SMYD3: variants seen among roughly 807,000 people sequenced by gnomAD.
SMYD3 encodes SET and MYND domain containing 3.
A neutral mutation model predicts 57.7 loss-of-function variants in SMYD3; 36 were observed. The observed-to-expected ratio is 0.62, with a 90% confidence interval of 0.48 to 0.82. SMYD3 has a LOEUF of 0.82. Ranked by LOEUF, SMYD3 falls within the 40% of genes least tolerant of loss-of-function variation. The pLI is 0.00. For synonymous variants in SMYD3, 211 were observed against 195.0 expected (o/e 1.08, Z -0.68); for missense variants, 515 against 538.8 (o/e 0.96, Z 0.44).
At chr1:246,079,272 T>C (rs2060598607) in intron 5 of SMYD3, among the ~76,000 whole-genome samples, 3 of 152,188 alleles carry the variant, frequency 2.0e-5, no homozygotes, top group Admixed American at 2.0e-4. Flanking sequence ...GTTAAAAGAA[T>C]GTCTGAATGA....
chr1:246,269,714 A>G (rs1319669713), intron 5 of SMYD3, among the ~76,000 whole-genome samples: 1 of 151,988 alleles, frequency 6.6e-6, no homozygotes, highest in East Asian at 1.9e-4. Flanking sequence ...CTACAGGCAC[A>G]TGCCATCTTG....
At chr1:246,070,827 A>G (rs1443908517) in intron 5 of SMYD3, among the ~76,000 whole-genome samples, 1 of 152,252 alleles carries the variant, frequency 6.6e-6, no homozygotes, top group Non-Finnish European at 1.5e-5. Flanking sequence ...TTGTTAGATA[A>G]TGAAACACAG....
At chr1:246,485,201 A>T (rs989654624) in intron 1 of SMYD3, among the ~76,000 whole-genome samples, 12 of 152,020 alleles carry the variant, frequency 7.9e-5, no homozygotes, top group African/African-American at 2.9e-4. Context: ...CATCACCTCA[A>T]CCAAAATACC....
rs893141196 is a variant in SMYD3, at chr1:246,378,552, C to T, written c.165-23458G>A. The stretch of plus-strand genomic sequence containing the variant: ...CTCCAAGTTCTTCAGTTTTGAAACT[C>T]GGACTGGCTCTCCTTGTTCCTCAGC... On this transcript the variant is annotated intron_variant, in intron 1 of 11. Coordinates refer to ENST00000490107, the MANE Select transcript of SMYD3 (RefSeq NM_001167740.2). Among the ~76,000 whole-genome samples the T allele has an allele frequency of 2.4e-4, 36 of 149,244 alleles. 1 individual carries two copies. Among genetic ancestry groups the T allele is most frequent in the African/African-American group, 8.5e-4 (34 of 40,044 alleles).
At chr1:245,812,725 G>C (rs1233883916) in intron 10 of SMYD3, among the ~76,000 whole-genome samples, 1 of 122,990 alleles carries the variant, frequency 8.1e-6, no homozygotes, top group African/African-American at 3.4e-5. Context: ...AAGAGAAAGA[G>C]CGAGCGAGAG....
At chr1:246,140,036 A>AT (rs1445521893) in intron 5 of SMYD3, among the ~76,000 whole-genome samples, 11 of 152,240 alleles carry the variant, frequency 7.2e-5, no homozygotes, top group African/African-American at 2.7e-4. Flanking sequence ...AAGACAAAAC[A>AT]TAAGAATGGA....
intron 5 of SMYD3, among the ~76,000 whole-genome samples, chr1:246,140,029 A>C (rs1319848290): frequency 6.6e-6 from 1 of 152,240 alleles, no homozygotes; most frequent in Non-Finnish European, 1.5e-5. Context: ...TTGATCGAAG[A>C]CAAAACATAA....
chr1:246,105,753 C>T (rs995645821), intron 5 of SMYD3, among the ~76,000 whole-genome samples: 4 of 152,088 alleles, frequency 2.6e-5, no homozygotes, highest in Non-Finnish European at 4.4e-5. Context: ...AAGAAATGCC[C>T]GAAATGCCAG....
At chr1:245,914,927 C>T (rs1053456038) in intron 8 of SMYD3, among the ~76,000 whole-genome samples, 46 of 151,792 alleles carry the variant, frequency 3.0e-4, no homozygotes, top group African/African-American at 1.0e-3. Flanking sequence ...AACAGATCAG[C>T]GGTTATCAGG....
chr1:246,028,513 T>C (rs1376118873), intron 5 of SMYD3, among the ~76,000 whole-genome samples: 1 of 152,088 alleles, frequency 6.6e-6, no homozygotes, highest in Non-Finnish European at 1.5e-5. Context: ...TATCTAACAA[T>C]AAATTTATTG....
chr1:246,339,755 C>A (rs201264853), intron 2 of SMYD3, among the ~76,000 whole-genome samples: 1 of 152,158 alleles, frequency 6.6e-6, no homozygotes, highest in African/African-American at 2.4e-5. Context: ...AGTAGCACAG[C>A]GCTCACGAAC....
At chr1:246,397,678 G>A (rs1322553937) in intron 1 of SMYD3, among the ~76,000 whole-genome samples, 1 of 152,152 alleles carries the variant, frequency 6.6e-6, no homozygotes, top group Non-Finnish European at 1.5e-5. Context: ...AATGACAGCA[G>A]TGGAGAAAGA....
chr1:246,187,530 G>A (rs1395876335), intron 5 of SMYD3, among the ~76,000 whole-genome samples: 1 of 152,136 alleles, frequency 6.6e-6, no homozygotes, highest in Non-Finnish European at 1.5e-5. Context: ...AGAAAACACA[G>A]TGGTAAAGCA....
chr1:245,890,551 G>A (rs890568318), intron 8 of SMYD3, among the ~76,000 whole-genome samples: 9 of 152,134 alleles, frequency 5.9e-5, no homozygotes, highest in African/African-American at 2.2e-4. Context: ...AAATGGCTTT[G>A]ATCCAAAAGA....
chr1:245,770,686 C>T (rs1260700461), intron 10 of SMYD3, among the ~76,000 whole-genome samples: 2 of 152,044 alleles, frequency 1.3e-5, no homozygotes, highest in Non-Finnish European at 2.9e-5. Flanking sequence ...TGACATAAGA[C>T]CTACAGGTAC....
intron 5 of SMYD3, among the ~76,000 whole-genome samples, chr1:246,038,665 C>G (rs552418875): frequency 6.6e-6 from 1 of 152,314 alleles, no homozygotes; most frequent in East Asian, 1.9e-4. Context: ...CAGGCTTTGC[C>G]TAGCTCCAAC....
At chr1:246,241,496 G>A (rs1333822195) in intron 5 of SMYD3, among the ~76,000 whole-genome samples, 1 of 152,184 alleles carries the variant, frequency 6.6e-6, no homozygotes, top group Non-Finnish European at 1.5e-5. Flanking sequence ...CGGTTTGCCA[G>A]TATTTTATTG....
intron 8 of SMYD3, among the ~76,000 whole-genome samples, chr1:245,869,774 C>T (rs1313228963): frequency 2.0e-5 from 3 of 152,202 alleles, no homozygotes; most frequent in Non-Finnish European, 4.4e-5. Flanking sequence ...CAACTAAAAT[C>T]GCCATCCTGT....
chr1:246,465,335 C>T (rs780651834), intron 1 of SMYD3, among the ~76,000 whole-genome samples: 4 of 152,114 alleles, frequency 2.6e-5, no homozygotes, highest in Admixed American at 1.3e-4. Context: ...GAAAAATAAA[C>T]GAATTCACAA....
Sources: allele counts gnomAD v4.1 joint callset (sites outside exome capture counted in the v4.1 genomes callset), GRCh38; gene constraint gnomAD v4.1.1; transcripts MANE v1.5; gene names NCBI Gene and HGNC (gene_info 2026-07-23, HGNC 2026-07-21).